Variants in INPP5A observed in about 807,000 individuals in gnomAD.
INPP5A encodes 43 kDa inositol polyphosphate 5-phophatase.
INPP5A carries 14 observed loss-of-function variants against 65.2 expected under a neutral mutation model. The observed-to-expected ratio is 0.21, with a 90% CI of 0.14 to 0.34. The LOEUF is 0.34. Ranked by LOEUF, INPP5A falls within the 10% of genes least tolerant of loss-of-function variation. The probability of loss-of-function intolerance (pLI) is 1.00; values close to 1 mark genes in which losing one functional copy is unlikely to be tolerated. For missense variants in INPP5A, 431 were observed against 545.6 expected, an observed-to-expected ratio of 0.79 and a Z score of 2.09; for synonymous variants, 207 against 208.3, an observed-to-expected ratio of 0.99 and a Z score of 0.05.
At position 132,546,587 on chromosome 10, in the gene INPP5A, G is replaced by A. The variant is rs961478655; in HGVS notation, c.75+8416G>A. Among the ~76,000 whole-genome samples, 10 of 152,256 alleles carry A rather than the reference G, an allele frequency of 6.6e-5. No homozygotes were observed. The highest frequency in any genetic ancestry group is 1.9e-4 in the African/African-American group (8 of 41,560). On this transcript the variant is annotated intron_variant, in intron 1 of 15. Coordinates refer to ENST00000368594, the MANE Select transcript of INPP5A (RefSeq NM_005539.5). The surrounding 1 kb of genome is among the most constrained non-coding windows in gnomAD (Gnocchi z 5.7). ...TGTAAGGGCTTAGTAGGGCTGCCTC[G>A]GCTGCTGGGGCAGCTTTCCCCGGCC...
At chr10:132,558,608 T>C (rs974570611) in intron 1 of INPP5A, among the ~76,000 whole-genome samples, 4 of 152,182 alleles carry the variant, frequency 2.6e-5, no homozygotes, top group Admixed American at 2.6e-4. Context: ...CAGCTGCCGA[T>C]GAGGAGCGCT....
rs374798967 is a variant in INPP5A, at chr10:132,707,000, A to G, written c.475-1313A>G. ...GCACGTGCGCATACTGGAGGAGCCA[A>G]AGGGGACGGTGGCCAGTGGCAAGGT... On this transcript the variant is annotated intron_variant, in intron 6 of 15. Coordinates refer to ENST00000368594, the MANE Select transcript of INPP5A (RefSeq NM_005539.5). This position sits in a 1 kb window ranked among gnomAD's most constrained non-coding sequence, Gnocchi z 4.7. Among the ~76,000 whole-genome samples, 2 of 152,196 alleles carry G rather than the reference A, an allele frequency of 1.3e-5. No homozygotes were observed. The highest frequency in any genetic ancestry group is 6.5e-5 in the Admixed American group (1 of 15,276).
intron 6 of INPP5A, 37 bp from the exon 7 acceptor site, chr10:132,708,276 T>C (rs898481497): frequency 1.2e-6 from 2 of 1,607,870 alleles, no homozygotes; most frequent in Admixed American, 3.3e-5. Context: ...CTTGCTCACT[T>C]ACTCTGGCTC....
At chr10:132,731,220 C>T (rs915435275) in intron 9 of INPP5A, among the ~76,000 whole-genome samples, 7 of 152,188 alleles carry the variant, frequency 4.6e-5, no homozygotes, top group Non-Finnish European at 1.0e-4. Context: ...GAAGGCGGCC[C>T]TGGAGGTGAC....
intron 1 of INPP5A, among the ~76,000 whole-genome samples, chr10:132,557,311 T>C (rs2071139648): frequency 1.3e-5 from 2 of 152,228 alleles, no homozygotes; most frequent in Non-Finnish European, 2.9e-5. Context: ...CGGGTCACAG[T>C]GCTCAGTGCC....
rs2072462756 is a variant in INPP5A at position 132,644,186 on chromosome 10, G to A, written c.118-1682G>A. On this transcript the variant is annotated intron_variant, in intron 2 of 15. Transcript: ENST00000368594. The surrounding 1 kb of genome is among the most constrained non-coding windows in gnomAD (Gnocchi z 6.5). ...TGCACTGCCTGGGCCTGAAGGCAGTGGGCTGTCTGGCCTCCTGAGTGCCCG... is the reference window on the plus strand; with the variant it reads ...TGCACTGCCTGGGCCTGAAGGCAGTAGGCTGTCTGGCCTCCTGAGTGCCCG... Among the ~76,000 whole-genome samples, 1 of 152,212 alleles carries A rather than the reference G, an allele frequency of 6.6e-6. No homozygotes were observed. The highest frequency in any genetic ancestry group is 1.5e-5 in the Non-Finnish European group (1 of 68,018).
intron 12 of INPP5A, among the ~76,000 whole-genome samples, chr10:132,773,529 G>T (rs2134686964): frequency 6.6e-6 from 1 of 152,300 alleles, no homozygotes; most frequent in South Asian, 2.1e-4. Flanking sequence ...CCTGTCTTTA[G>T]ATGTGTATTT....
At chr10:132,646,977 T>C (rs2072504247) in intron 3 of INPP5A, among the ~76,000 whole-genome samples, 2 of 152,206 alleles carry the variant, frequency 1.3e-5, no homozygotes, top group Admixed American at 1.3e-4. Flanking sequence ...TCCCAGCCGC[T>C]GCATCCTTGC....
chr10:132,599,098 C>A (rs2071745859), intron 1 of INPP5A, among the ~76,000 whole-genome samples: 2 of 152,182 alleles, frequency 1.3e-5, no homozygotes, highest in South Asian at 4.1e-4. Flanking sequence ...CTCATGTCCT[C>A]ACATTTCAAA....
chr10:132,569,431 CA>C (rs2071310748), intron 1 of INPP5A, among the ~76,000 whole-genome samples: 1 of 152,152 alleles, frequency 6.6e-6, no homozygotes, highest in African/African-American at 2.4e-5. Flanking sequence ...ATGCTCACTG[CA>C]GCCTCCACCT....
chr10:132,722,047 T>G (rs1845894472), intron 8 of INPP5A, among the ~76,000 whole-genome samples: 1 of 152,144 alleles, frequency 6.6e-6, no homozygotes, highest in Non-Finnish European at 1.5e-5. Flanking sequence ...AACCATGCAG[T>G]GAGGTGTTTA....
intron 9 of INPP5A, among the ~76,000 whole-genome samples, chr10:132,742,966 C>T (rs1473531099): frequency 1.3e-5 from 2 of 152,256 alleles, no homozygotes; most frequent in Non-Finnish European, 2.9e-5. Context: ...AGCCGGCCTG[C>T]GCCTGCCCCG....
At chr10:132,633,832 C>A (rs1356131905) in intron 2 of INPP5A, among the ~76,000 whole-genome samples, 1 of 152,194 alleles carries the variant, frequency 6.6e-6, no homozygotes, top group Non-Finnish European at 1.5e-5. Context: ...TGAGCACGTT[C>A]AGCAAACTTA....
At chr10:132,759,730 G>A (rs889787392) in intron 11 of INPP5A, among the ~76,000 whole-genome samples, 29 of 151,924 alleles carry the variant, frequency 1.9e-4, no homozygotes, top group Non-Finnish European at 3.5e-4. Flanking sequence ...CAGGAGCCCC[G>A]GCCGTAAGCA....
intron 3 of INPP5A, among the ~76,000 whole-genome samples, chr10:132,647,619 G>C (rs2072515412): frequency 6.6e-6 from 1 of 152,210 alleles, no homozygotes; most frequent in South Asian, 2.1e-4. Context: ...CAGGCCCGGA[G>C]AGGAGAGCGG....
At chr10:132,700,410 T>C (rs1845418282) in intron 6 of INPP5A, among the ~76,000 whole-genome samples, 1 of 152,236 alleles carries the variant, frequency 6.6e-6, no homozygotes, top group Non-Finnish European at 1.5e-5. Flanking sequence ...TTAGAAATCC[T>C]CCCGGGACCC....
At chr10:132,562,574 C>T (rs1024409867) in intron 1 of INPP5A, among the ~76,000 whole-genome samples, 12 of 152,262 alleles carry the variant, frequency 7.9e-5, no homozygotes, top group African/African-American at 1.7e-4. Flanking sequence ...CTGCCGCCTG[C>T]GGCTCCCAGC....
chr10:132,780,104 G>A (rs1224970975), intron 13 of INPP5A, among the ~76,000 whole-genome samples: 3 of 152,206 alleles, frequency 2.0e-5, no homozygotes, highest in Admixed American at 6.5e-5. Flanking sequence ...TCTGGCAGGC[G>A]CCCATGCTGG....
chr10:132,690,480 G>T (rs1299790355), intron 5 of INPP5A, 25 bp downstream of exon 5: 3 of 1,583,508 alleles, frequency 1.9e-6, no homozygotes, highest in Non-Finnish European at 2.6e-6. Flanking sequence ...CGTCTTCCGG[G>T]ATTTTGTCTC....
Sources: allele counts gnomAD v4.1 joint callset (sites outside exome capture counted in the v4.1 genomes callset), GRCh38; gene constraint gnomAD v4.1.1; non-coding constraint Gnocchi (gnomAD v3.1); transcripts MANE v1.5; gene names NCBI Gene and HGNC (gene_info 2026-07-23, HGNC 2026-07-21).